The following MACROD2 variants were observed in gnomAD, a reference collection of about 807,000 sequenced individuals.
MACROD2 encodes the protein ADP-ribose glycohydrolase MACROD2.
MACROD2 carries 36 observed loss-of-function variants against 70.4 expected under a neutral mutation model. The observed-to-expected ratio is 0.51, with a 90% CI of 0.39 to 0.68. The LOEUF (loss-of-function observed/expected upper bound fraction) is 0.68. Among genes scored for constraint, MACROD2 ranks in the 30% least tolerant of loss-of-function variants. MACROD2 has a pLI of 0.00. For missense variants in MACROD2, 496 were observed against 538.4 expected, an observed-to-expected ratio of 0.92 and a Z score of 0.78; for synonymous variants, 172 against 178.8, an observed-to-expected ratio of 0.96 and a Z score of 0.30.
chr20:14,272,002 C>A (rs1354291845), intron 3 of MACROD2, among the ~76,000 whole-genome samples: 1 of 152,002 alleles, frequency 6.6e-6, no homozygotes, highest in Non-Finnish European at 1.5e-5. Context: ...TGTGAAAAGA[C>A]CAAATCTACA....
In MACROD2 at chr20:14,765,153, C is replaced by A. The variant is rs541959323; in HGVS notation, c.418+80194C>A. On this transcript the variant is annotated intron_variant, in intron 5 of 17. Transcript: ENST00000684519. ...TTCTTACATTTTAAGAAACAGTGAC[C>A]CCACTCATTAGAAAATGTGATTCAA... Among the ~76,000 whole-genome samples, 5 of 152,190 alleles carry A rather than the reference C, an allele frequency of 3.3e-5. No individual in the cohort carries two copies. In the South Asian group the frequency reaches 1.0e-3, roughly 32 times the overall value.
chr20:14,010,567 C>T (rs1356717957), intron 2 of MACROD2, among the ~76,000 whole-genome samples: 1 of 152,026 alleles, frequency 6.6e-6, no homozygotes, highest in Non-Finnish European at 1.5e-5. Flanking sequence ...ATAGAAGGTT[C>T]TATGTCATAA....
At chr20:14,772,625 G>A (rs1317275368) in intron 5 of MACROD2, among the ~76,000 whole-genome samples, 1 of 151,984 alleles carries the variant, frequency 6.6e-6, no homozygotes, top group East Asian at 1.9e-4. Flanking sequence ...TAACACGTGG[G>A]AATTATGGGA....
At position 16,029,594 on chromosome 20, in the gene MACROD2, A is replaced by G. The variant is rs185263638; in HGVS notation, c.1154-11607A>G. On this transcript the variant is annotated intron_variant, in intron 15 of 17. Transcript: ENST00000684519. Reference sequence around the variant, plus strand: ...TTTCTGGAAATGTGCGGAAGGAACGAGCCTGGTGTTGCCCTACCCCATCCC... The same window carrying G: ...TTTCTGGAAATGTGCGGAAGGAACGGGCCTGGTGTTGCCCTACCCCATCCC... Among the ~76,000 whole-genome samples, 4 of 152,330 alleles carry G rather than the reference A, an allele frequency of 2.6e-5. No homozygotes were observed. The East Asian group carries it at 7.7e-4, about 29-fold the overall frequency.
chr20:15,642,510 A>G (rs1404212153), intron 8 of MACROD2, among the ~76,000 whole-genome samples: 1 of 151,950 alleles, frequency 6.6e-6, no homozygotes, highest in African/African-American at 2.4e-5. Flanking sequence ...AAAGCAAAAT[A>G]TCACATCATT....
intron 3 of MACROD2, among the ~76,000 whole-genome samples, chr20:14,207,111 CTT>C (rs879324906): frequency 2.7e-5 from 4 of 146,030 alleles, no homozygotes; most frequent in Admixed American, 6.8e-5. Context: ...AGAAGGGACA[CTT>C]TTTTTTTTTT....
intron 5 of MACROD2, among the ~76,000 whole-genome samples, chr20:14,850,686 C>T (rs376135686): frequency 6.6e-6 from 1 of 152,044 alleles, no homozygotes; most frequent in African/African-American, 2.4e-5. Flanking sequence ...TTCAAAATAT[C>T]GAAGAGCTGA....
At chr20:14,415,732 G>A (rs886834497) in intron 3 of MACROD2, among the ~76,000 whole-genome samples, 4 of 152,170 alleles carry the variant, frequency 2.6e-5, no homozygotes, top group African/African-American at 9.7e-5. Flanking sequence ...ATAAGCTGGT[G>A]ACACAAGGAA....
chr20:15,126,788 A>C (rs1222451373), intron 5 of MACROD2, among the ~76,000 whole-genome samples: 2 of 152,162 alleles, frequency 1.3e-5, no homozygotes, highest in Non-Finnish European at 2.9e-5. Context: ...CCCTTGGGCC[A>C]GCTGTATAAT....
intron 3 of MACROD2, among the ~76,000 whole-genome samples, chr20:14,120,827 A>C (rs889765207): frequency 6.6e-6 from 1 of 150,662 alleles, no homozygotes; most frequent in Non-Finnish European, 1.5e-5. Flanking sequence ...ACCAAACACC[A>C]CATGTTCTCA....
At chr20:14,506,272 G>C (rs1004719784) in intron 4 of MACROD2, among the ~76,000 whole-genome samples, 5 of 152,096 alleles carry the variant, frequency 3.3e-5, no homozygotes, top group African/African-American at 7.2e-5. Context: ...ATGTACTCTT[G>C]TCCAAACCTG....
At chr20:14,769,121 T>C (rs374882310) in intron 5 of MACROD2, among the ~76,000 whole-genome samples, 6 of 152,048 alleles carry the variant, frequency 3.9e-5, no homozygotes, top group African/African-American at 1.4e-4. Context: ...AAAAGAGATA[T>C]GTTTTCCCCC....
chr20:14,494,779 T>G (rs2084835225), intron 4 of MACROD2, among the ~76,000 whole-genome samples: 1 of 152,164 alleles, frequency 6.6e-6, no homozygotes, highest in Non-Finnish European at 1.5e-5. Flanking sequence ...TTGTAGGATG[T>G]TTCATTGCAC....
chr20:15,380,691 C>T (rs1403308052), intron 6 of MACROD2, among the ~76,000 whole-genome samples: 2 of 151,966 alleles, frequency 1.3e-5, no homozygotes, highest in Non-Finnish European at 2.9e-5. Context: ...CGAAATTAGC[C>T]ATGATGGAAC....
At chr20:15,361,491 A>G (rs1049282119) in intron 6 of MACROD2, among the ~76,000 whole-genome samples, 21 of 152,224 alleles carry the variant, frequency 1.4e-4, no homozygotes, top group African/African-American at 5.1e-4. Flanking sequence ...ATTTAAAATC[A>G]AGTAGAGTGA....
intron 2 of MACROD2, 100 bp from the exon 3 acceptor site, chr20:14,085,521 A>G (rs2054065780): frequency 1.8e-6 from 1 of 557,004 alleles, no homozygotes; most frequent in East Asian, 3.2e-5. Flanking sequence ...GTAGTAGAGC[A>G]TGACACATAT....
intron 6 of MACROD2, among the ~76,000 whole-genome samples, chr20:15,290,589 T>A (rs928113575): frequency 6.6e-6 from 1 of 152,212 alleles, no homozygotes; most frequent in African/African-American, 2.4e-5. Context: ...TGTAACAACT[T>A]CTTTTGAGCC....
chr20:15,431,292 G>C, intron 6 of MACROD2, 113 bp from the exon 7 acceptor site: 1 of 917,390 alleles, frequency 1.1e-6, no homozygotes, highest in Non-Finnish European at 1.8e-6. Context: ...TCATAGCTCT[G>C]AATATGTAAG....
intron 3 of MACROD2, among the ~76,000 whole-genome samples, chr20:14,258,530 TATTC>T (rs1408050337): frequency 6.6e-5 from 10 of 152,346 alleles, no homozygotes; most frequent in South Asian, 4.1e-4. Flanking sequence ...GAGAATTGTC[TATTC>T]ATATCATTTG....
Sources: gnomAD v4.1 joint callset for allele counts (sites outside exome capture counted in the v4.1 genomes callset) on GRCh38, gnomAD v4.1.1 for gene constraint, MANE v1.5 for transcripts, NCBI Gene and HGNC (gene_info 2026-07-23, HGNC 2026-07-21) for gene names.